Variants in ZNF804A observed in about 807,000 individuals in gnomAD.
ZNF804A encodes the protein zinc finger protein 804A.
Under a neutral mutation model 16.5 loss-of-function variants are expected in ZNF804A, and 2 were observed. The ratio of observed to expected loss-of-function variants is 0.12; its 90% confidence interval spans 0.05 to 0.38. ZNF804A has a LOEUF of 0.38. Ranked by LOEUF, ZNF804A falls within the 10% of genes least tolerant of loss-of-function variation. The probability of loss-of-function intolerance (pLI) is 0.99; values close to 1 mark genes in which losing one functional copy is unlikely to be tolerated. For synonymous variants in ZNF804A, 534 were observed against 489.6 expected, an observed-to-expected ratio of 1.09 and a Z score of -1.20; for missense variants, 1,473 against 1,390.7, an observed-to-expected ratio of 1.06 and a Z score of -0.94.
At chr2:184,664,736 C>T (rs1202277802) in intron 1 of ZNF804A, among the ~76,000 whole-genome samples, 1 of 152,108 alleles carries the variant, frequency 6.6e-6, no homozygotes, top group Non-Finnish European at 1.5e-5. Flanking sequence ...TATTCTTGTT[C>T]AGAAAGTGTT....
intron 2 of ZNF804A, among the ~76,000 whole-genome samples, chr2:184,927,285 G>T (rs894797523): frequency 3.9e-5 from 6 of 152,198 alleles, no homozygotes; most frequent in African/African-American, 1.4e-4. Flanking sequence ...AGATCCAAAA[G>T]AATTATCTGG....
rs1382055462 is a variant in ZNF804A, at chr2:184,814,364, C to G, written c.112-52005C>G. 2.0e-5 allele frequency among the ~76,000 whole-genome samples: 3 copies of G among 151,990 alleles called. No individual in the cohort carries two copies. In the East Asian group the frequency reaches 5.8e-4, roughly 29 times the overall value. Reference sequence around the variant, plus strand: ...TGATTCAAAATTGCTGTTTTGCACTCGATAAGTTAGAGAAGTTATTCAGAC... The same window carrying G: ...TGATTCAAAATTGCTGTTTTGCACTGGATAAGTTAGAGAAGTTATTCAGAC... On this transcript the variant is annotated intron_variant, in intron 1 of 3. Coordinates refer to ENST00000302277, the MANE Select transcript of ZNF804A (RefSeq NM_194250.2).
chr2:184,937,558 C>T lies in ZNF804A; in HGVS notation c.2162C>T (p.Thr721Ile), dbSNP rs546110129. ...SGKHNLTYSRTYCCWKTKMSS... is the reference protein window; with the variant it reads ...SGKHNLTYSRIYCCWKTKMSS... The stretch of plus-strand genomic sequence containing the variant: ...AAACATAATTTAACATATTCTAGAA[C>T]TTACTGTTGTTGGAAAACCAAAATG... The change falls in exon 4 of 4, where the codon ACT becomes ATT. Residue 721 changes from threonine (T) to isoleucine (I), a missense_variant. Thr to Ile is a moderately conservative substitution (Grantham distance 89, BLOSUM62 -1). Coordinates refer to ENST00000302277, the MANE Select transcript of ZNF804A (RefSeq NM_194250.2). 3.1e-6 allele frequency: 5 copies of T among 1,612,038 alleles called. No individual in the cohort carries two copies. The highest frequency in any genetic ancestry group is 3.4e-5 in the Admixed American group (2 of 59,310).
intron 1 of ZNF804A, among the ~76,000 whole-genome samples, chr2:184,623,242 G>T (rs1488154836): frequency 1.3e-5 from 2 of 151,570 alleles, no homozygotes; most frequent in Non-Finnish European, 2.9e-5. Flanking sequence ...TAAAATACTG[G>T]GAAGTAATGG....
chr2:184,802,634 G>T (rs902619880), intron 1 of ZNF804A, among the ~76,000 whole-genome samples: 3 of 152,186 alleles, frequency 2.0e-5, no homozygotes, highest in Admixed American at 6.5e-5. Flanking sequence ...TGGGGTGACA[G>T]TTTGCCCTAC....
intron 1 of ZNF804A, among the ~76,000 whole-genome samples, chr2:184,731,249 C>G (rs138568940): frequency 3.4e-5 from 1 of 29,438 alleles, no homozygotes; most frequent in East Asian, 1.8e-3. Context: ...TAGGCTCCGT[C>G]GCAAAAAAAA....
intron 1 of ZNF804A, among the ~76,000 whole-genome samples, chr2:184,683,402 T>G (rs1692573848): frequency 6.6e-6 from 1 of 152,198 alleles, no homozygotes; most frequent in Non-Finnish European, 1.5e-5. Flanking sequence ...GCTTTTATAT[T>G]TCCTACCTAT....
chr2:184,778,608 A>G lies in ZNF804A; in HGVS notation c.112-87761A>G, dbSNP rs139766476. 2.4e-3 allele frequency among the ~76,000 whole-genome samples: 366 copies of G among 151,750 alleles called. 5 individuals are homozygous for G. Among genetic ancestry groups the G allele is most frequent in the East Asian group, 0.021 (106 of 5,130 alleles). ...ATTAGCCCAAGATATGCAAATAGCT[A>G]GGGTCCCTACACAGTAATGAAAAAT... On this transcript the variant is annotated intron_variant, in intron 1 of 3. Transcript: ENST00000302277.
rs1005792582 is a variant in ZNF804A, at chr2:184,836,453, T to C, written c.112-29916T>C. On this transcript the variant is annotated intron_variant, in intron 1 of 3. Coordinates refer to ENST00000302277, the MANE Select transcript of ZNF804A (RefSeq NM_194250.2). ...TAGAGGGAAGAGTAATAACGGAAGT[T>C]GAATTACAGTGGGACAGTGTGATTA... Among the ~76,000 whole-genome samples the C allele has an allele frequency of 5.9e-5, 9 of 152,222 alleles. No homozygotes were observed. In the South Asian group the frequency reaches 1.0e-3, roughly 18 times the overall value.
intron 1 of ZNF804A, among the ~76,000 whole-genome samples, chr2:184,792,108 T>C (rs1267290391): frequency 1.3e-5 from 2 of 152,194 alleles, no homozygotes; most frequent in Non-Finnish European, 2.9e-5. Flanking sequence ...CAATTATGAA[T>C]AAAGCCACTA....
At chr2:184,901,765 T>C (rs1685185344) in intron 2 of ZNF804A, among the ~76,000 whole-genome samples, 1 of 152,112 alleles carries the variant, frequency 6.6e-6, no homozygotes, top group African/African-American at 2.4e-5. Context: ...TTCTTCTTTA[T>C]TTCTCCTTTT....
intron 1 of ZNF804A, among the ~76,000 whole-genome samples, chr2:184,646,401 C>T (rs1691872836): frequency 6.6e-6 from 1 of 152,162 alleles, no homozygotes; most frequent in Non-Finnish European, 1.5e-5. Flanking sequence ...CCAGCCTGCT[C>T]CCTTGAGATG....
At chr2:184,894,175 A>G (rs1222017457) in intron 2 of ZNF804A, among the ~76,000 whole-genome samples, 2 of 152,176 alleles carry the variant, frequency 1.3e-5, no homozygotes, top group South Asian at 2.1e-4. Flanking sequence ...TCAGTTACTG[A>G]TGCTATAAAT....
At chr2:184,727,454 A>C (rs976187804) in intron 1 of ZNF804A, among the ~76,000 whole-genome samples, 2 of 151,630 alleles carry the variant, frequency 1.3e-5, no homozygotes, top group Admixed American at 1.3e-4. Flanking sequence ...TCAAGTACTC[A>C]GCTAAACTTT....
chr2:184,670,370 T>A (rs1692322884), intron 1 of ZNF804A, among the ~76,000 whole-genome samples: 2 of 152,104 alleles, frequency 1.3e-5, no homozygotes. Flanking sequence ...TTCCCCATTA[T>A]GCCCTTTATT....
chr2:184,818,185 T>C (rs549361305), intron 1 of ZNF804A, among the ~76,000 whole-genome samples: 26 of 151,928 alleles, frequency 1.7e-4, no homozygotes, highest in African/African-American at 5.5e-4. Context: ...ACAAAGGGAA[T>C]CTCATCAGAC....
chr2:184,938,311 A>G lies in ZNF804A; in HGVS notation c.2915A>G (p.His972Arg). Residue 972 changes from histidine (H) to arginine (R), a missense_variant, in exon 4 of 4, where the codon CAT becomes CGT. By Grantham distance (29) the His-to-Arg change is conservative. Transcript: ENST00000302277. ...RQSQPKSYLC[H>R]YELAEALPQG... ...TCACAGCCTAAATCCTATCTTTGCCATTATGAACTGGCTGAGGCCCTTCCA... is the reference window on the plus strand; with the variant it reads ...TCACAGCCTAAATCCTATCTTTGCCGTTATGAACTGGCTGAGGCCCTTCCA... The G allele has an allele frequency of 1.2e-6, 2 of 1,614,174 alleles. No homozygotes were observed. Among genetic ancestry groups the G allele is most frequent in the Non-Finnish European group, 1.7e-6 (2 of 1,180,018 alleles).
At chr2:184,758,078 T>TA (rs1031584586) in intron 1 of ZNF804A, among the ~76,000 whole-genome samples, 1 of 152,010 alleles carries the variant, frequency 6.6e-6, no homozygotes, top group African/African-American at 2.4e-5. Context: ...TGGAGAATTT[T>TA]AAAAGAAAAC....
At position 184,685,686 on chromosome 2, in the gene ZNF804A, G is replaced by A. The variant is rs142151696; in HGVS notation, c.111+86616G>A. Among the ~76,000 whole-genome samples, 114 of 152,216 alleles carry A rather than the reference G, an allele frequency of 7.5e-4. 3 individuals carry two copies. The East Asian group carries it at 0.017, about 23-fold the overall frequency. On this transcript the variant is annotated intron_variant, in intron 1 of 3. Transcript: ENST00000302277. ...AGAAAGTACATGCTGGTCAATCCAC[G>A]GGTGGCCATATGTGGGTCAGGAAAA...
Sources: allele counts gnomAD v4.1 joint callset (sites outside exome capture counted in the v4.1 genomes callset), GRCh38; gene constraint gnomAD v4.1.1; transcripts MANE v1.5; gene names NCBI Gene and HGNC (gene_info 2026-07-23, HGNC 2026-07-21).